PISD: variants seen among roughly 807,000 people sequenced by gnomAD.
The protein encoded by PISD is phosphatidylserine decarboxylase proenzyme, mitochondrial.
PISD carries 31 observed loss-of-function variants against 43.5 expected under a neutral mutation model. The ratio of observed to expected loss-of-function variants is 0.71; its 90% confidence interval spans 0.54 to 0.96. The LOEUF (loss-of-function observed/expected upper bound fraction) is 0.96. Among genes scored for constraint, PISD ranks in the 40% least tolerant of loss-of-function variants. The probability of loss-of-function intolerance (pLI) is 0.00; values close to 1 mark genes in which losing one functional copy is unlikely to be tolerated. For missense variants in PISD, 523 were observed against 548.4 expected (o/e 0.95, Z 0.46); for synonymous variants, 259 against 228.7 (o/e 1.13, Z -1.20).
At position 31,641,745 on chromosome 22, in the gene PISD, G is replaced by A. The variant is rs536194218; in HGVS notation, c.321+6356C>T. Among the ~76,000 whole-genome samples the A allele has an allele frequency of 1.6e-4, 24 of 151,178 alleles. 1 individual carries two copies. Among genetic ancestry groups the A allele is most frequent in the African/African-American group, 5.4e-4 (22 of 40,532 alleles). On this transcript the variant is annotated intron_variant, in intron 3 of 7. Transcript: ENST00000439502. ...TGAGGCAGGAGAACTGCTTGAACCCGGGAGGCGCAGGTTGCAGTGAGCTGA... is the reference window on the plus strand; with the variant it reads ...TGAGGCAGGAGAACTGCTTGAACCCAGGAGGCGCAGGTTGCAGTGAGCTGA...
At chr22:31,647,213 C>G (rs1213768167) in intron 3 of PISD, among the ~76,000 whole-genome samples, 1 of 152,194 alleles carries the variant, frequency 6.6e-6, no homozygotes, top group Admixed American at 6.5e-5. Flanking sequence ...TGTTCGAACC[C>G]AACCTGCTGT....
intron 3 of PISD, chr22:31,623,572 T>A: frequency 9.3e-7 from 1 of 1,075,034 alleles, no homozygotes; most frequent in Non-Finnish European, 1.3e-6. Flanking sequence ...CCTGAAGATG[T>A]AGCGGTGACC....
chr22:31,637,687 C>T (rs1373682413), intron 3 of PISD, among the ~76,000 whole-genome samples: 1 of 152,202 alleles, frequency 6.6e-6, no homozygotes, highest in African/African-American at 2.4e-5. Context: ...TACAGAAAAG[C>T]ATCTCTGCTT....
chr22:31,638,655 T>C lies in PISD; in HGVS notation c.321+9446A>G, dbSNP rs1465776937. ...CAGTTCTGTCTCTACTACTAGCTAATGGTTTTTTCTTTGTAGAGGCATGGT... is the reference window on the plus strand; with the variant it reads ...CAGTTCTGTCTCTACTACTAGCTAACGGTTTTTTCTTTGTAGAGGCATGGT... On this transcript the variant is annotated intron_variant, in intron 3 of 7. Coordinates refer to ENST00000439502, the MANE Select transcript of PISD (RefSeq NM_001326411.2). 5.1e-6 allele frequency: 5 copies of C among 984,218 alleles called. No homozygotes were observed. In the South Asian group the frequency reaches 1.9e-4, roughly 37 times the overall value. 61.0% of individuals were successfully genotyped at this position (984,218 alleles called of 1,614,324 possible).
chr22:31,660,480 C>T (rs1601468183), intron 1 of PISD, among the ~76,000 whole-genome samples: 2 of 152,196 alleles, frequency 1.3e-5, no homozygotes, highest in African/African-American at 4.8e-5. Context: ...TGGTGAAACC[C>T]TGTCTCCACC....
In PISD at chr22:31,619,728, C is replaced by G; in HGVS notation, c.1114G>C (p.Gly372Arg). 1 of 1,614,184 alleles carries G rather than the reference C, an allele frequency of 6.2e-7. No homozygotes were observed. The highest frequency in any genetic ancestry group is 8.5e-7 in the Non-Finnish European group (1 of 1,180,006). ...ATGGTGGAGCCCAGGTTGAACTCGC[C>G]CAGGTGCTCGCCCTTACGCATGGGG... ...GVPMRKGEHL[G>R]EFNLGSTIVL... The change falls in exon 8 of 8, where the codon GGC becomes CGC. Residue 372 changes from glycine (G) to arginine (R), a missense_variant. Physicochemically the swap from Gly to Arg is moderately radical, Grantham distance 125 (BLOSUM62 -2). Transcript: ENST00000439502.
chr22:31,634,834 C>CAAA lies in PISD; in HGVS notation c.322-12952_322-12950dup, dbSNP rs33999998. On this transcript the variant is annotated intron_variant, in intron 3 of 7. Coordinates refer to ENST00000439502, the MANE Select transcript of PISD (RefSeq NM_001326411.2). ...TGGGTGACAGAGCAAGACTCCATCT[C>CAAA]AAAAAAAAAAAAAAAAAAAAATAGA... Among the ~76,000 whole-genome samples, 58 of 80,470 alleles carry CAAA rather than the reference C, an allele frequency of 7.2e-4. 1 individual carries two copies. Among genetic ancestry groups the CAAA allele is most frequent in the African/African-American group, 1.2e-3 (24 of 19,470 alleles). 52.8% of individuals were successfully genotyped at this position (80,470 alleles called of 152,430 possible).
intron 3 of PISD, among the ~76,000 whole-genome samples, chr22:31,631,790 T>C (rs2147700562): frequency 6.6e-6 from 1 of 152,352 alleles, no homozygotes; most frequent in Admixed American, 6.5e-5. Context: ...TTCACATCTG[T>C]GGGAGCAACT....
At chr22:31,658,468 G>C (rs1350403835) in intron 1 of PISD, among the ~76,000 whole-genome samples, 1 of 152,176 alleles carries the variant, frequency 6.6e-6, no homozygotes, top group Non-Finnish European at 1.5e-5. Context: ...GACATACACT[G>C]AGATGGTCAT....
chr22:31,662,283 G>C, upstream of PISD: 1 of 1,443,990 alleles, frequency 6.9e-7, no homozygotes, highest in Non-Finnish European at 9.6e-7. Flanking sequence ...CGAGTCTCGA[G>C]TTCAGTGGGC....
intron 3 of PISD, among the ~76,000 whole-genome samples, chr22:31,638,205 C>T (rs368158743): frequency 2.9e-4 from 44 of 152,318 alleles, no homozygotes; most frequent in African/African-American, 9.9e-4. Context: ...CCTAGATCCA[C>T]GGGGCAGAGG....
chr22:31,658,587 T>C (rs2074239755), intron 1 of PISD, among the ~76,000 whole-genome samples: 1 of 152,130 alleles, frequency 6.6e-6, no homozygotes, highest in Non-Finnish European at 1.5e-5. Flanking sequence ...TCTCACTCTG[T>C]CACCCAGGCT....
At chr22:31,628,921 T>TA (rs1341580194) in intron 3 of PISD, 8 of 985,052 alleles carry the variant, frequency 8.1e-6, no homozygotes, top group Non-Finnish European at 9.6e-6. Context: ...AAAGATGAAA[T>TA]AAGAGGGGCT....
At chr22:31,643,074 C>T (rs1031174884) in intron 3 of PISD, among the ~76,000 whole-genome samples, 2 of 150,028 alleles carry the variant, frequency 1.3e-5, no homozygotes, top group Non-Finnish European at 3.0e-5. Flanking sequence ...TGCACTCCAG[C>T]CTGGGCAACA....
In PISD at chr22:31,630,711, G is replaced by C; in HGVS notation, c.322-8826C>G. 1.0e-6 allele frequency: 1 copy of C among 984,862 alleles called. No homozygotes were observed. The highest frequency in any genetic ancestry group is 1.2e-6 in the Non-Finnish European group (1 of 829,404). The allele number at this position is 984,862 out of a possible 1,614,324, so 61.0% of individuals were successfully genotyped here. A position where few individuals can be genotyped will look rare whatever the true frequency, so the allele number is the denominator to read the frequency against. ...GGCCCTAGAAGGGCACCCCCACCCGGCACTGGCCCTCTGAGCGGGCAGGGT... is the reference window on the plus strand; with the variant it reads ...GGCCCTAGAAGGGCACCCCCACCCGCCACTGGCCCTCTGAGCGGGCAGGGT... On this transcript the variant is annotated intron_variant, in intron 3 of 7. Coordinates refer to ENST00000439502, the MANE Select transcript of PISD (RefSeq NM_001326411.2). This position sits in a 1 kb window ranked among gnomAD's most constrained non-coding sequence, Gnocchi z 4.4.
rs2072346968 is a variant in PISD, at chr22:31,619,391, G to C, written c.*221C>G. The C allele has an allele frequency of 1.6e-6, 1 of 636,392 alleles. No individual in the cohort carries two copies. The highest frequency in any genetic ancestry group is 1.8e-5 in the African/African-American group (1 of 55,534). The allele number at this position is 636,392 out of a possible 1,614,324, so 39.4% of individuals were successfully genotyped here. ...AGCCTGCACTTTTTATTTGTAGGCA[G>C]AAGGAACGGGATAGGTTGAGGGGCA... On this transcript the variant is annotated 3_prime_UTR_variant, in exon 8 of 8. Transcript: ENST00000439502.
chr22:31,657,287 C>G (rs919656061), intron 1 of PISD, among the ~76,000 whole-genome samples: 2 of 152,006 alleles, frequency 1.3e-5, no homozygotes, highest in East Asian at 1.9e-4. Flanking sequence ...AGGCACCCAC[C>G]ACCATGCCTG....
At chr22:31,661,914 C>G (rs558652496) in intron 1 of PISD, among the ~76,000 whole-genome samples, 3 of 152,284 alleles carry the variant, frequency 2.0e-5, no homozygotes, top group African/African-American at 7.2e-5. Flanking sequence ...TCGTGAACTT[C>G]CACCTAGCTG....
At chr22:31,642,680 G>A (rs988189335) in intron 3 of PISD, among the ~76,000 whole-genome samples, 5 of 149,728 alleles carry the variant, frequency 3.3e-5, no homozygotes, top group Non-Finnish European at 7.4e-5. Context: ...CTGTAGTCCC[G>A]GCTGCTTGGG....
Sources: gnomAD v4.1 joint callset for allele counts (sites outside exome capture counted in the v4.1 genomes callset) on GRCh38, gnomAD v4.1.1 for gene constraint, Gnocchi (gnomAD v3.1) non-coding constraint, MANE v1.5 for transcripts, NCBI Gene and HGNC (gene_info 2026-07-23, HGNC 2026-07-21) for gene names.